LRP8: variants seen among roughly 807,000 people sequenced by gnomAD.
The protein encoded by LRP8 is LDL receptor related protein 8.
LRP8 carries 46 observed loss-of-function variants against 111.6 expected under a neutral mutation model. That is an observed-to-expected ratio of 0.41 (90% CI 0.33 to 0.53). The LOEUF is 0.53. LRP8 is among the 20% of genes least tolerant of loss of function. LRP8 has a pLI of 0.20. For missense variants in LRP8, 959 were observed against 1,297.4 expected (o/e 0.74, Z 4.01); for synonymous variants, 464 against 511.2 (o/e 0.91, Z 1.24).
At chr1:53,253,525 G>C (rs1041925331) in intron 16 of LRP8, among the ~76,000 whole-genome samples, 15 of 152,116 alleles carry the variant, frequency 9.9e-5, no homozygotes, top group Admixed American at 8.5e-4. Context: ...AAATGTCAGG[G>C]AAATAATACT....
At chr1:53,327,448 C>A in intron 1 of LRP8, 1 of 260,714 alleles carries the variant, frequency 3.8e-6, no homozygotes, top group Non-Finnish European at 7.2e-6. Flanking sequence ...TGCTCATTAC[C>A]GCCGCGGAGC....
rs1646882311 is a variant in LRP8 at position 53,275,272 on chromosome 1, T to C, written c.1006+359A>G. On this transcript the variant is annotated intron_variant, in intron 6 of 18. Transcript: ENST00000306052. This position sits in a 1 kb window ranked among gnomAD's most constrained non-coding sequence, Gnocchi z 4.4. ...GGGCAGGTGGTGACCAGAAGAACCATCTGAGAACTAAAGGGGCTCCCTGGG... is the reference window on the plus strand; with the variant it reads ...GGGCAGGTGGTGACCAGAAGAACCACCTGAGAACTAAAGGGGCTCCCTGGG... 6.6e-6 allele frequency among the ~76,000 whole-genome samples: 1 copy of C among 152,122 alleles called. No individual in the cohort carries two copies. Among genetic ancestry groups the C allele is most frequent in the South Asian group, 2.1e-4 (1 of 4,832 alleles).
At chr1:53,254,987 A>G (rs780694914) in intron 16 of LRP8, 130 bp downstream of exon 16, 13 of 925,742 alleles carry the variant, frequency 1.4e-5, no homozygotes, top group Non-Finnish European at 2.2e-5. Context: ...CAGGACTGGG[A>G]GGTGGGCAGG....
Position 53,250,940 on chromosome 1 carries a change from C to T in LRP8, c.2504-78G>A. ...CAGACATCTGTACAAGGCTTGTCAC[C>T]ACTCCACTTTTACTACCCTTTGCTC... is the stretch of plus-strand genomic sequence containing the variant. On this transcript the variant is annotated intron_variant, in intron 16 of 18. Coordinates refer to ENST00000306052, the MANE Select transcript of LRP8 (RefSeq NM_004631.5). This position sits in a 1 kb window ranked among gnomAD's most constrained non-coding sequence, Gnocchi z 4.6. 7.9e-7 allele frequency: 1 copy of T among 1,264,862 alleles called. No homozygotes were observed. The highest frequency in any genetic ancestry group is 2.3e-5 in the East Asian group (1 of 43,018). 78.4% of individuals were successfully genotyped at this position (1,264,862 alleles called of 1,614,324 possible).
chr1:53,276,380 G>T (rs1162204567), intron 5 of LRP8, among the ~76,000 whole-genome samples: 1 of 149,534 alleles, frequency 6.7e-6, no homozygotes. Context: ...GAGATGGGGG[G>T]AGCTCCTGAG....
chr1:53,312,847 G>A (rs1653257009), intron 2 of LRP8, among the ~76,000 whole-genome samples: 1 of 152,190 alleles, frequency 6.6e-6, no homozygotes, highest in South Asian at 2.1e-4. Context: ...TTAAAACTGG[G>A]ATAGTTCTGA....
chr1:53,325,501 C>A (rs139904732), intron 2 of LRP8, among the ~76,000 whole-genome samples: 2 of 152,194 alleles, frequency 1.3e-5, no homozygotes, highest in African/African-American at 4.8e-5. Context: ...GTTGCTGGGG[C>A]AGGAATTATG....
chr1:53,301,592 A>C (rs1650879365), intron 2 of LRP8, among the ~76,000 whole-genome samples: 1 of 152,104 alleles, frequency 6.6e-6, no homozygotes, highest in Non-Finnish European at 1.5e-5. Flanking sequence ...TTAGCTGGGC[A>C]TGGTGGTACA....
chr1:53,289,292 C>T (rs1000513514), intron 3 of LRP8: 13 of 308,118 alleles, frequency 4.2e-5, no homozygotes, highest in African/African-American at 2.3e-4. Flanking sequence ...CTGGAGGACA[C>T]GCTAGGGCTC....
chr1:53,264,926 T>A (rs757696703), intron 9 of LRP8, among the ~76,000 whole-genome samples: 1 of 152,054 alleles, frequency 6.6e-6, no homozygotes, highest in East Asian at 1.9e-4. Context: ...TGATGGGCTT[T>A]GAGTACCACG....
intron 2 of LRP8, among the ~76,000 whole-genome samples, chr1:53,302,502 G>C (rs1651114486): frequency 6.6e-6 from 1 of 152,094 alleles, no homozygotes; most frequent in Non-Finnish European, 1.5e-5. Context: ...CACCACCCCG[G>C]AGTCTAACCA....
At chr1:53,327,020 A>G (rs1485826269) in intron 1 of LRP8, 28 bp from the exon 2 acceptor site, 8 of 1,608,902 alleles carry the variant, frequency 5.0e-6, no homozygotes, top group Non-Finnish European at 6.8e-6. Context: ...CGTGAGCTGG[A>G]TCAGCGGACT....
intron 2 of LRP8, among the ~76,000 whole-genome samples, chr1:53,295,968 G>A (rs527618126): frequency 1.3e-5 from 2 of 152,290 alleles, no homozygotes; most frequent in African/African-American, 2.4e-5. Flanking sequence ...GTACTTAGCC[G>A]TCTGTCTCTG....
chr1:53,323,168 C>T (rs771720767), intron 2 of LRP8, among the ~76,000 whole-genome samples: 1 of 152,198 alleles, frequency 6.6e-6, no homozygotes, highest in African/African-American at 2.4e-5. Context: ...CCAGCCAGTA[C>T]TTGAGACAGT....
chr1:53,256,517 G>A (rs932672149), intron 15 of LRP8, among the ~76,000 whole-genome samples: 1 of 152,236 alleles, frequency 6.6e-6, no homozygotes, highest in Non-Finnish European at 1.5e-5. Context: ...GCTTCTGCTG[G>A]CAAATAGGAC....
rs909465592 is a variant in LRP8 at position 53,303,419 on chromosome 1, G to T, written c.245-13730C>A. The stretch of plus-strand genomic sequence containing the variant: ...TTGGATTTCATACATGAGAAAAGGG[G>T]CCACAGCAGCCTCGCGCTCCCATGG... On this transcript the variant is annotated intron_variant, in intron 2 of 18. Coordinates refer to ENST00000306052, the MANE Select transcript of LRP8 (RefSeq NM_004631.5). This position sits in a 1 kb window ranked among gnomAD's most constrained non-coding sequence, Gnocchi z 4.3. Among the ~76,000 whole-genome samples the T allele has an allele frequency of 1.2e-4, 19 of 152,194 alleles. No homozygotes were observed. Among genetic ancestry groups the T allele is most frequent in the Non-Finnish European group, 2.9e-5 (2 of 68,026 alleles).
At chr1:53,300,453 C>T (rs184317260) in intron 2 of LRP8, among the ~76,000 whole-genome samples, 10 of 152,344 alleles carry the variant, frequency 6.6e-5, no homozygotes, top group African/African-American at 2.2e-4. Context: ...TTAGCAAGCT[C>T]GAGTCTCCAT....
At chr1:53,290,087 C>G (rs1210554856) in intron 2 of LRP8, among the ~76,000 whole-genome samples, 1 of 145,822 alleles carries the variant, frequency 6.9e-6, no homozygotes, top group Non-Finnish European at 1.5e-5. Context: ...GACTGGAAGT[C>G]AAAGTCCCTT....
Position 53,261,532 on chromosome 1 carries a change from G to A in LRP8, c.1914+536C>T, listed in dbSNP as rs144844459. ...GGTTGGTTCTGGCTTCTTCATTCCC[G>A]GAGAAGAAAAGTCATTAGGGTCAGG... is the stretch of plus-strand genomic sequence containing the variant. On this transcript the variant is annotated intron_variant, in intron 12 of 18. Transcript: ENST00000306052. 6.7e-3 allele frequency among the ~76,000 whole-genome samples: 1,026 copies of A among 152,298 alleles called. 7 individuals are homozygous for A. Among genetic ancestry groups the A allele is most frequent in the Non-Finnish European group, 8.4e-3 (569 of 68,016 alleles).
Sources: allele counts gnomAD v4.1 joint callset (sites outside exome capture counted in the v4.1 genomes callset), GRCh38; gene constraint gnomAD v4.1.1; non-coding constraint Gnocchi (gnomAD v3.1); transcripts MANE v1.5; gene names NCBI Gene and HGNC (gene_info 2026-07-23, HGNC 2026-07-21).